Variants in PTPN1 observed in about 807,000 individuals in gnomAD.
PTPN1 encodes tyrosine-protein phosphatase non-receptor type 1.
A neutral mutation model predicts 59.9 loss-of-function variants in PTPN1; 12 were observed. The ratio of observed to expected loss-of-function variants is 0.20; its 90% CI spans 0.13 to 0.32. The LOEUF (loss-of-function observed/expected upper bound fraction) is 0.32, where lower values mean the gene tolerates loss of function less well. Among genes scored for constraint, PTPN1 ranks in the 10% least tolerant of loss-of-function variants. The probability of loss-of-function intolerance (pLI) is 1.00; values close to 1 mark genes in which losing one functional copy is unlikely to be tolerated. For synonymous variants in PTPN1, 178 were observed against 203.6 expected (o/e 0.87, Z 1.07); for missense variants, 356 against 549.2 (o/e 0.65, Z 3.52).
chr20:50,580,372 A>T (rs1457776458), intron 8 of PTPN1, among the ~76,000 whole-genome samples: 5 of 152,214 alleles, frequency 3.3e-5, no homozygotes, highest in Admixed American at 6.5e-5. Flanking sequence ...CTTGCAGGTT[A>T]ACAACCATTA....
Position 50,553,615 on chromosome 20 carries a change from A to G in PTPN1, c.64-7748A>G, listed in dbSNP as rs540876856. On this transcript the variant is annotated intron_variant, in intron 1 of 9. Transcript: ENST00000371621. ...TAGAAACATTCAACCGAAAACCATC[A>G]GATATGCAAAAAGTAATAATAATAA... Among the ~76,000 whole-genome samples the G allele has an allele frequency of 3.9e-5, 6 of 152,368 alleles. No individual in the cohort carries two copies. The East Asian group carries it at 1.2e-3, about 29-fold the overall frequency.
At chr20:50,536,921 C>T (rs1333584861) in intron 1 of PTPN1, among the ~76,000 whole-genome samples, 1 of 152,000 alleles carries the variant, frequency 6.6e-6, no homozygotes, top group Admixed American at 6.6e-5. Flanking sequence ...TTCTTTATTC[C>T]TATCACTGCA....
At chr20:50,512,621 G>A (rs944644028) in intron 1 of PTPN1, among the ~76,000 whole-genome samples, 1 of 152,166 alleles carries the variant, frequency 6.6e-6, no homozygotes, top group African/African-American at 2.4e-5. Context: ...TTTGGTCTTA[G>A]AGAATTGTCA....
chr20:50,581,751 C>CTT (rs200369567), intron 9 of PTPN1, among the ~76,000 whole-genome samples: 1 of 146,094 alleles, frequency 6.8e-6, no homozygotes, highest in African/African-American at 2.5e-5. Context: ...TTCTCTCTCT[C>CTT]TTTTTTTTTT....
intron 1 of PTPN1, among the ~76,000 whole-genome samples, chr20:50,552,803 A>G (rs543513274): frequency 4.0e-5 from 6 of 151,852 alleles, no homozygotes; most frequent in Non-Finnish European, 8.8e-5. Context: ...CACTCCCACC[A>G]CAATGGCTTT....
In PTPN1 at chr20:50,510,492, G is replaced by C; in HGVS notation, c.-36G>C. 1 of 1,547,672 alleles carries C rather than the reference G, an allele frequency of 6.5e-7. No homozygotes were observed. Among genetic ancestry groups the C allele is most frequent in the Non-Finnish European group, 8.7e-7 (1 of 1,145,324 alleles). Reference sequence around the variant, plus strand: ...CCTAGAGCGGCAGACGGCGCAGTGGGCCGAGAAGGAGGCGCAGCAGCCGCC... The same window carrying C: ...CCTAGAGCGGCAGACGGCGCAGTGGCCCGAGAAGGAGGCGCAGCAGCCGCC... On this transcript the variant is annotated 5_prime_UTR_variant, in exon 1 of 10. Coordinates refer to ENST00000371621, the MANE Select transcript of PTPN1 (RefSeq NM_002827.4).
intron 1 of PTPN1, among the ~76,000 whole-genome samples, chr20:50,535,599 G>C (rs1364267142): frequency 6.6e-6 from 1 of 152,212 alleles, no homozygotes; most frequent in African/African-American, 2.4e-5. Context: ...AAAGCAAGCT[G>C]CTAGAAAGAA....
At chr20:50,523,988 C>T (rs557958896) in intron 1 of PTPN1, among the ~76,000 whole-genome samples, 1 of 152,308 alleles carries the variant, frequency 6.6e-6, no homozygotes, top group African/African-American at 2.4e-5. Context: ...CTTCCTTCCT[C>T]TTTGGTCTTA....
At chr20:50,515,313 G>A (rs1275917435) in intron 1 of PTPN1, among the ~76,000 whole-genome samples, 1 of 152,106 alleles carries the variant, frequency 6.6e-6, no homozygotes, top group Non-Finnish European at 1.5e-5. Context: ...TGCCTCTCCC[G>A]TTCAATCTAG....
Position 50,568,389 on chromosome 20 carries a change from C to T in PTPN1, c.265C>T (p.Pro89Ser). 6.2e-7 allele frequency: 1 copy of T among 1,613,978 alleles called. No homozygotes were observed. The highest frequency in any genetic ancestry group is 8.5e-7 in the Non-Finnish European group (1 of 1,179,898). ...RSYILTQGPL[P>S]NTCGHFWEMV... The stretch of plus-strand genomic sequence containing the variant: ...TATTGTGTCTTTGCAGGGCCCTTTG[C>T]CTAACACATGCGGTCACTTTTGGGA... Residue 89 changes from proline to serine, a missense_variant, in exon 4 of 10, where the codon CCT (proline) becomes TCT (serine). Transcript: ENST00000371621. This position sits in a 1 kb window ranked among gnomAD's most constrained non-coding sequence, Gnocchi z 5.6.
In PTPN1 at chr20:50,579,782, G is replaced by A. The variant is rs769146045; in HGVS notation, c.944G>A (p.Arg315Gln). Residue 315 changes from arginine (R) to glutamine (Q), a missense_variant, in exon 8 of 10, where the codon CGA becomes CAA. This residue lies in a region of PTPN1 where 100 missense variants were observed against 107.7 expected (regional missense o/e 0.93). Coordinates refer to ENST00000371621, the MANE Select transcript of PTPN1 (RefSeq NM_002827.4). ...HIPPPPRPPKRILEPHNGKCR... is the reference protein window; with the variant it reads ...HIPPPPRPPKQILEPHNGKCR... ...CCCCCACCTCCCCGGCCACCCAAAC[G>A]AATCCTGGAGCCACACAATGGGAAA... 3.1e-6 allele frequency: 5 copies of A among 1,613,282 alleles called. No individual in the cohort carries two copies. The South Asian group carries it at 5.5e-5, about 18-fold the overall frequency.
chr20:50,543,736 A>T (rs921517973), intron 1 of PTPN1, among the ~76,000 whole-genome samples: 3 of 152,210 alleles, frequency 2.0e-5, no homozygotes, highest in East Asian at 3.8e-4. Context: ...TGCTTTTTTT[A>T]AAAAAGTGGT....
At chr20:50,533,025 CT>C (rs201927734) in intron 1 of PTPN1, among the ~76,000 whole-genome samples, 89 of 145,258 alleles carry the variant, frequency 6.1e-4, no homozygotes, top group East Asian at 9.9e-4. Flanking sequence ...TCTAATATCA[CT>C]TTTTTTTTTT....
chr20:50,510,647 C>G, intron 1 of PTPN1, 57 bp downstream of exon 1: 1 of 1,519,734 alleles, frequency 6.6e-7, no homozygotes, highest in South Asian at 1.2e-5. Context: ...TGAACATCCC[C>G]TCAGACCTCC....
At chr20:50,515,627 T>C (rs1487448951) in intron 1 of PTPN1, among the ~76,000 whole-genome samples, 1 of 152,176 alleles carries the variant, frequency 6.6e-6, no homozygotes, top group Non-Finnish European at 1.5e-5. Context: ...CTATCTCCAA[T>C]GGAGCCCAAG....
chr20:50,545,970 C>T (rs1253687135), intron 1 of PTPN1, among the ~76,000 whole-genome samples: 2 of 151,658 alleles, frequency 1.3e-5, no homozygotes, highest in Admixed American at 6.6e-5. Context: ...CCCTAGAAGT[C>T]GAGGCTTCAG....
Position 50,578,541 on chromosome 20 carries a change from G to T in PTPN1, c.614G>T (p.Ser205Ile). 1.2e-6 allele frequency: 2 copies of T among 1,614,222 alleles called. No homozygotes were observed. The highest frequency in any genetic ancestry group is 1.7e-6 in the Non-Finnish European group (2 of 1,180,050). The stretch of plus-strand genomic sequence containing the variant: ...AAAGTCCGAGAGTCAGGGTCACTCA[G>T]CCCGGAGCACGGGCCCGTTGTGGTG... The part of the protein sequence containing the change: ...LFKVRESGSL[S>I]PEHGPVVVHC... Residue 205 changes from serine to isoleucine, a missense_variant, in exon 6 of 10, where the codon AGC becomes ATC. Ser to Ile is a moderately radical substitution (Grantham distance 142, BLOSUM62 -2). This residue lies in a region of PTPN1 where 194 missense variants were observed against 344.2 expected (regional missense o/e 0.56). Transcript: ENST00000371621.
intron 1 of PTPN1, among the ~76,000 whole-genome samples, chr20:50,532,087 C>T (rs2082603942): frequency 6.6e-6 from 1 of 152,188 alleles, no homozygotes; most frequent in South Asian, 2.1e-4. Context: ...AAGGGGAGAT[C>T]TGTAACCTAC....
rs530068434 is a variant in PTPN1, at chr20:50,583,917, C to T, written c.*1202C>T. The stretch of plus-strand genomic sequence containing the variant: ...CAAGTCAACACTCTTCTTGAGCAGA[C>T]CGTGATTTGGAAGAGAGGCACCTGC... On this transcript the variant is annotated 3_prime_UTR_variant, in exon 10 of 10. Coordinates refer to ENST00000371621, the MANE Select transcript of PTPN1 (RefSeq NM_002827.4). The T allele has an allele frequency of 1.3e-5, 2 of 152,722 alleles. No individual in the cohort carries two copies. The highest frequency in any genetic ancestry group is 4.8e-5 in the African/African-American group (2 of 41,574). 9.5% of individuals were successfully genotyped at this position (152,722 alleles called of 1,614,324 possible). A position where few individuals can be genotyped will look rare whatever the true frequency, so the allele number is the denominator to read the frequency against.
Sources: gnomAD v4.1 joint callset for allele counts (sites outside exome capture counted in the v4.1 genomes callset) on GRCh38, gnomAD v4.1.1 for gene constraint, gnomAD v4.1.1 regional missense constraint, Gnocchi (gnomAD v3.1) non-coding constraint, MANE v1.5 for transcripts, NCBI Gene and HGNC (gene_info 2026-07-23, HGNC 2026-07-21) for gene names.